ARHGAP44: variants seen among roughly 807,000 people sequenced by gnomAD.
ARHGAP44 encodes Rho GTPase activating protein 44, also known as rho GTPase-activating protein 44.
Under a neutral mutation model 106.8 loss-of-function variants are expected in ARHGAP44, and 43 were observed. The ratio of observed to expected loss-of-function variants is 0.40; its 90% CI spans 0.32 to 0.52. The LOEUF (loss-of-function observed/expected upper bound fraction) is 0.52, where lower values mean the gene tolerates loss of function less well. Among genes scored for constraint, ARHGAP44 ranks in the 20% least tolerant of loss-of-function variants. The probability of loss-of-function intolerance (pLI) is 0.48; values close to 1 mark genes in which losing one functional copy is unlikely to be tolerated. For missense variants in ARHGAP44, 866 were observed against 1,050.5 expected (o/e 0.82, Z 2.43); for synonymous variants, 439 against 410.3 (o/e 1.07, Z -0.85).
chr17:12,867,818 G>C (rs1714754692), intron 1 of ARHGAP44, among the ~76,000 whole-genome samples: 1 of 152,142 alleles, frequency 6.6e-6, no homozygotes, highest in African/African-American at 2.4e-5. Flanking sequence ...TTTATGCCAT[G>C]GTCTCTGACA....
At chr17:12,957,090 C>G (rs1402750877) in intron 15 of ARHGAP44, among the ~76,000 whole-genome samples, 1 of 152,160 alleles carries the variant, frequency 6.6e-6, no homozygotes, top group Non-Finnish European at 1.5e-5. Context: ...CACTGAGTAG[C>G]TGGGATTACA....
chr17:12,861,983 A>G (rs1366514383), intron 1 of ARHGAP44, among the ~76,000 whole-genome samples: 3 of 152,056 alleles, frequency 2.0e-5, no homozygotes, highest in Non-Finnish European at 4.4e-5. Flanking sequence ...ACCCACCTGG[A>G]TCATCTGCAG....
intron 1 of ARHGAP44, among the ~76,000 whole-genome samples, chr17:12,865,506 G>T (rs888094537): frequency 2.6e-5 from 4 of 152,028 alleles, no homozygotes; most frequent in Admixed American, 2.0e-4. Context: ...AATCAGTAGT[G>T]AGGCTGGGTG....
At chr17:12,989,936 C>G in intron 20 of ARHGAP44, 96 bp from the exon 21 acceptor site, 1 of 1,517,756 alleles carries the variant, frequency 6.6e-7, no homozygotes, top group Non-Finnish European at 9.0e-7. Flanking sequence ...AATAGCAGCA[C>G]CCCTGCCTCC....
chr17:12,956,414 G>A (rs1480908269), intron 14 of ARHGAP44, among the ~76,000 whole-genome samples: 4 of 152,180 alleles, frequency 2.6e-5, no homozygotes, highest in Non-Finnish European at 2.9e-5. Flanking sequence ...CACACCTCAC[G>A]TTGAAAGTGG....
At chr17:12,844,749 C>T (rs2035514093) in intron 1 of ARHGAP44, among the ~76,000 whole-genome samples, 1 of 152,082 alleles carries the variant, frequency 6.6e-6, no homozygotes. Context: ...TTGAATTTTT[C>T]ATGTTTTTAT....
chr17:12,814,197 C>A (rs1234334910), intron 1 of ARHGAP44, among the ~76,000 whole-genome samples: 2 of 150,920 alleles, frequency 1.3e-5, no homozygotes, highest in African/African-American at 4.9e-5. Flanking sequence ...AGGTCACACA[C>A]CCTTCCCTGT....
chr17:12,837,170 T>C lies in ARHGAP44; in HGVS notation c.53+47279T>C, dbSNP rs370832805. ...GTAATATAAGTAAATAATCCATAGG[T>C]CAAAGAGGAAATTTTATGGGAAATT... On this transcript the variant is annotated intron_variant, in intron 1 of 20. Coordinates refer to ENST00000379672, the MANE Select transcript of ARHGAP44 (RefSeq NM_014859.6). Among the ~76,000 whole-genome samples the C allele has an allele frequency of 3.3e-5, 5 of 152,102 alleles. No individual in the cohort carries two copies. The East Asian group carries it at 9.6e-4, about 29-fold the overall frequency.
At chr17:12,956,463 A>G (rs985389828) in intron 14 of ARHGAP44, among the ~76,000 whole-genome samples, 192 bp from the exon 15 acceptor site, 2 of 152,146 alleles carry the variant, frequency 1.3e-5, no homozygotes, top group Non-Finnish European at 2.9e-5. Flanking sequence ...GTTTATCTCC[A>G]TTCTGCAGAT....
intron 1 of ARHGAP44, among the ~76,000 whole-genome samples, chr17:12,834,692 C>A (rs762561471): frequency 6.6e-6 from 1 of 152,148 alleles, no homozygotes; most frequent in Non-Finnish European, 1.5e-5. Flanking sequence ...AAAGTCCCTT[C>A]CCCCATGAAG....
At chr17:12,853,922 C>T (rs150340764) in intron 1 of ARHGAP44, among the ~76,000 whole-genome samples, 1 of 152,172 alleles carries the variant, frequency 6.6e-6, no homozygotes, top group African/African-American at 2.4e-5. Flanking sequence ...CCCAATTCCC[C>T]ATTTCCATGT....
chr17:12,865,348 A>G (rs992183642), intron 1 of ARHGAP44, among the ~76,000 whole-genome samples: 2 of 152,212 alleles, frequency 1.3e-5, no homozygotes, highest in African/African-American at 2.4e-5. Flanking sequence ...AGTTTGACAC[A>G]TGAAGGCCTT....
intron 1 of ARHGAP44, among the ~76,000 whole-genome samples, chr17:12,794,753 A>G (rs2033869227): frequency 1.3e-5 from 2 of 152,094 alleles, no homozygotes; most frequent in South Asian, 4.1e-4. Context: ...CTTTGCAGGT[A>G]TCATTGCTGC....
intron 1 of ARHGAP44, among the ~76,000 whole-genome samples, chr17:12,873,136 A>AT (rs143394913): frequency 0.061 from 6,892 of 112,868 alleles, 229 homozygotes; most frequent in Admixed American, 0.087. Context: ...TAACCATGCC[A>AT]TTTTTTTCCC....
At chr17:12,916,387 T>G (rs1567685036) in intron 5 of ARHGAP44, among the ~76,000 whole-genome samples, 1 of 151,948 alleles carries the variant, frequency 6.6e-6, no homozygotes, top group Non-Finnish European at 1.5e-5. Flanking sequence ...TCCTGCAGTT[T>G]TATGTTTTTT....
intron 15 of ARHGAP44, among the ~76,000 whole-genome samples, chr17:12,957,820 C>A (rs1054516411): frequency 2.6e-5 from 4 of 152,150 alleles, no homozygotes; most frequent in African/African-American, 7.2e-5. Context: ...ATGCTTTTTG[C>A]TGTGCTGCAA....
chr17:12,870,788 C>T (rs2036384952), intron 1 of ARHGAP44, among the ~76,000 whole-genome samples: 1 of 152,138 alleles, frequency 6.6e-6, no homozygotes, highest in Non-Finnish European at 1.5e-5. Flanking sequence ...CCCACTTTCT[C>T]CTCCATACCC....
intron 1 of ARHGAP44, among the ~76,000 whole-genome samples, chr17:12,872,133 A>G (rs1403906496): frequency 6.6e-6 from 1 of 152,148 alleles, no homozygotes; most frequent in Non-Finnish European, 1.5e-5. Context: ...ATTGTCTGTG[A>G]CTTTTCTTTG....
chr17:12,901,541 G>A (rs140638744), intron 3 of ARHGAP44, among the ~76,000 whole-genome samples: 1 of 152,114 alleles, frequency 6.6e-6, no homozygotes, highest in African/African-American at 2.4e-5. Flanking sequence ...AAAAATCGGC[G>A]TCCATGGTAG....
Sources: allele counts gnomAD v4.1 joint callset (sites outside exome capture counted in the v4.1 genomes callset), GRCh38; gene constraint gnomAD v4.1.1; transcripts MANE v1.5; gene names NCBI Gene and HGNC (gene_info 2026-07-23, HGNC 2026-07-21).